BPTF: variants seen among roughly 807,000 people sequenced by gnomAD.
BPTF encodes nucleosome-remodeling factor subunit BPTF.
A neutral mutation model predicts 292.5 loss-of-function variants in BPTF; 18 were observed. That is an observed-to-expected ratio of 0.06 (90% CI 0.04 to 0.09). BPTF has a LOEUF of 0.09. Ranked by LOEUF, BPTF falls within the 10% of genes least tolerant of loss-of-function variation. The pLI is 1.00. For missense variants in BPTF, 2,726 were observed against 3,498.7 expected (o/e 0.78, Z 5.57); for synonymous variants, 1,225 against 1,251.9 (o/e 0.98, Z 0.45).
chr17:67,884,812 TA>T (rs1332844660), intron 4 of BPTF, among the ~76,000 whole-genome samples: 3 of 152,128 alleles, frequency 2.0e-5, no homozygotes, highest in African/African-American at 7.2e-5. Flanking sequence ...TTTTTTTTTT[TA>T]GTGTATTTTG....
chr17:67,826,280 G>T lies in BPTF; in HGVS notation c.556G>T (p.Ala186Ser). Residue 186 changes from alanine (A) to serine (S), a missense_variant, in exon 1 of 28, where the codon GCC (alanine) becomes TCC (serine). Coordinates refer to ENST00000306378, the MANE Select transcript of BPTF (RefSeq NM_182641.4). ...PEEMEDDDDD[A>S]SYCTESSFRS... ...GGAGATGGAAGACGACGACGACGAC[G>T]CCAGTTACTGCACGGAAAGCAGCTT... The T allele has an allele frequency of 6.2e-7, 1 of 1,613,010 alleles. No homozygotes were observed. Among genetic ancestry groups the T allele is most frequent in the Non-Finnish European group, 8.5e-7 (1 of 1,179,716 alleles).
chr17:67,856,620 C>G (rs1326620925), intron 2 of BPTF, among the ~76,000 whole-genome samples: 1 of 152,096 alleles, frequency 6.6e-6, no homozygotes, highest in African/African-American at 2.4e-5. Context: ...TGGGGGAAAT[C>G]CCTCTTGTCA....
rs1315127014 is a variant in BPTF at position 67,849,260 on chromosome 17, A to G, written c.614-4680A>G. On this transcript the variant is annotated intron_variant, in intron 1 of 27. Transcript: ENST00000306378. The stretch of plus-strand genomic sequence containing the variant: ...CATTTGAGATTACTTTTAACAATTT[A>G]CCAGATGATTTTTGCTGCACCTCCA... Among the ~76,000 whole-genome samples the G allele has an allele frequency of 2.6e-5, 4 of 152,146 alleles. No individual in the cohort carries two copies. In the East Asian group the frequency reaches 7.7e-4, roughly 29 times the overall value.
chr17:67,891,689 G>A, intron 4 of BPTF, 155 bp from the exon 5 acceptor site: 3 of 449,548 alleles, frequency 6.7e-6, no homozygotes, highest in Admixed American at 4.3e-5. Flanking sequence ...AAAACTTAAG[G>A]AATAATGATA....
At chr17:67,898,921 CAAAAA>C (rs58991615) in intron 7 of BPTF, among the ~76,000 whole-genome samples, 4 of 80,014 alleles carry the variant, frequency 5.0e-5, no homozygotes, top group African/African-American at 1.9e-4. Flanking sequence ...TACCCTGTCT[CAAAAA>C]AAAAAAAAAA....
intron 2 of BPTF, among the ~76,000 whole-genome samples, chr17:67,855,381 G>A (rs187486775): frequency 6.6e-6 from 1 of 152,292 alleles, no homozygotes; most frequent in African/African-American, 2.4e-5. Context: ...CTATAGCCTA[G>A]CTCAGCTCAT....
chr17:67,979,169 C>CAAAA (rs11376410), intron 27 of BPTF, among the ~76,000 whole-genome samples: 15 of 72,478 alleles, frequency 2.1e-4, no homozygotes, highest in African/African-American at 5.6e-4. Context: ...GACCCTGTCT[C>CAAAA]AAAAAAAAAA....
At chr17:67,935,850 C>A (rs1360504149) in intron 18 of BPTF, among the ~76,000 whole-genome samples, 2 of 151,732 alleles carry the variant, frequency 1.3e-5, no homozygotes, top group Non-Finnish European at 1.5e-5. Context: ...GTGAAACTCA[C>A]AAAACTGAAA....
In BPTF at chr17:67,950,327, C is replaced by T. The variant is rs549730440; in HGVS notation, c.7926+2021C>T. On this transcript the variant is annotated intron_variant, in intron 23 of 27. Transcript: ENST00000306378. ...AATATTAACCAGACTAATAATACTA[C>T]CTATCTGTGAAACATTAGAGATCTT... 2.6e-5 allele frequency among the ~76,000 whole-genome samples: 4 copies of T among 151,070 alleles called. No individual in the cohort carries two copies. The East Asian group carries it at 7.8e-4, about 30-fold the overall frequency.
chr17:67,970,675 AT>A (rs1555690324), intron 26 of BPTF, among the ~76,000 whole-genome samples: 1 of 152,252 alleles, frequency 6.6e-6, no homozygotes, highest in African/African-American at 2.4e-5. Flanking sequence ...AACCAACAAA[AT>A]CAGCAACTTT....
At chr17:67,940,029 A>G (rs1308449337) in intron 18 of BPTF, among the ~76,000 whole-genome samples, 1 of 151,926 alleles carries the variant, frequency 6.6e-6, no homozygotes, top group African/African-American at 2.4e-5. Context: ...CAGATTCTTT[A>G]TATTTTGTTT....
At chr17:67,960,039 T>C (rs1271131761) in intron 24 of BPTF, 164 bp downstream of exon 24, 2 of 557,456 alleles carry the variant, frequency 3.6e-6, no homozygotes, top group Admixed American at 3.7e-5. Context: ...CCATTGACGC[T>C]AGTAAAGTAA....
Position 67,982,281 on chromosome 17 carries a change from C to T in BPTF, c.8756C>T (p.Ala2919Val). Residue 2919 changes from alanine (A) to valine (V), a missense_variant, in exon 28 of 28, where the codon GCT becomes GTT. Coordinates refer to ENST00000306378, the MANE Select transcript of BPTF (RefSeq NM_182641.4). ...CATAACAACAAACTGCAGTCTACAG[C>T]TTCTTAAAGTTCAGCGTGTTAACCT... ...RSHNNKLQST[A>V]S 6.2e-7 allele frequency: 1 copy of T among 1,611,248 alleles called. No individual in the cohort carries two copies. The highest frequency in any genetic ancestry group is 8.5e-7 in the Non-Finnish European group (1 of 1,177,936).
chr17:67,884,049 T>G (rs1236730604), intron 4 of BPTF, among the ~76,000 whole-genome samples: 1 of 152,194 alleles, frequency 6.6e-6, no homozygotes, highest in Non-Finnish European at 1.5e-5. Context: ...AACATAGTGA[T>G]TATCCTCAGT....
chr17:67,981,622 A>G (rs1170262676), intron 27 of BPTF: 8 of 1,032,454 alleles, frequency 7.7e-6, no homozygotes, highest in Non-Finnish European at 8.2e-6. Flanking sequence ...GCCATGTTGA[A>G]CAATGTATTT....
chr17:67,965,166 C>G (rs1431485915), intron 25 of BPTF: 3 of 150,850 alleles, frequency 2.0e-5, no homozygotes, highest in Admixed American at 1.3e-4. Flanking sequence ...AGGATGAAAC[C>G]CCATCTCTCT....
At chr17:67,870,478 G>A (rs982265570) in intron 3 of BPTF, among the ~76,000 whole-genome samples, 3 of 151,950 alleles carry the variant, frequency 2.0e-5, no homozygotes, top group African/African-American at 7.2e-5. Context: ...TCAAATAGAA[G>A]AATTCCCGAT....
chr17:67,849,655 C>T (rs925748055), intron 1 of BPTF, among the ~76,000 whole-genome samples: 4 of 151,850 alleles, frequency 2.6e-5, no homozygotes, highest in African/African-American at 9.7e-5. Flanking sequence ...TGCAAGTTCT[C>T]GGCTGGGCGT....
chr17:67,923,414 C>G (rs116771041), intron 14 of BPTF, among the ~76,000 whole-genome samples: 2,525 of 149,616 alleles, frequency 0.017, 63 homozygotes, highest in African/African-American at 0.054. Context: ...TGACTTTACT[C>G]CACCTTTGAT....
Sources: allele counts gnomAD v4.1 joint callset (sites outside exome capture counted in the v4.1 genomes callset), GRCh38; gene constraint gnomAD v4.1.1; transcripts MANE v1.5; gene names NCBI Gene and HGNC (gene_info 2026-07-23, HGNC 2026-07-21).